PTPRD: variants seen among roughly 807,000 people sequenced by gnomAD.
PTPRD encodes the protein receptor-type tyrosine-protein phosphatase delta.
Under a neutral mutation model 214.5 loss-of-function variants are expected in PTPRD, and 34 were observed. That is an observed-to-expected ratio of 0.16 (90% CI 0.12 to 0.21). PTPRD has a LOEUF of 0.21. Ranked by LOEUF, PTPRD falls within the 10% of genes least tolerant of loss-of-function variation. The pLI, the probability that PTPRD is intolerant of heterozygous loss-of-function variation, is 1.00. For synonymous variants in PTPRD, 1,128 were observed against 845.7 expected, an observed-to-expected ratio of 1.33 and a Z score of -5.79; for missense variants, 2,545 against 2,398.7, an observed-to-expected ratio of 1.06 and a Z score of -1.27.
At chr9:8,437,111 A>G in intron 34 of PTPRD, 1 of 905,632 alleles carries the variant, frequency 1.1e-6, no homozygotes, top group South Asian at 1.7e-5. Context: ...AAATAAGAAA[A>G]CAGACACTGA....
chr9:9,128,564 G>A (rs2099837699), intron 10 of PTPRD, among the ~76,000 whole-genome samples: 2 of 152,320 alleles, frequency 1.3e-5, no homozygotes, highest in East Asian at 3.9e-4. Context: ...AGCACAAACA[G>A]ATTTGGGGGC....
At chr9:8,456,400 A>C (rs1030238091) in intron 33 of PTPRD, among the ~76,000 whole-genome samples, 1 of 152,114 alleles carries the variant, frequency 6.6e-6, no homozygotes, top group African/African-American at 2.4e-5. Flanking sequence ...GTAGCATCCT[A>C]GCTTACTTCC....
Position 8,460,536 on chromosome 9 carries a change from C to T in PTPRD, c.3750G>A (p.Val1250=), listed in dbSNP as rs2134157117. 6.2e-7 allele frequency: 1 copy of T among 1,613,396 alleles called. No individual in the cohort carries two copies. Among genetic ancestry groups the T allele is most frequent in the South Asian group, 1.1e-5 (1 of 91,056 alleles). The part of the protein sequence containing the change: ...MYATSPYSDP[V]VSMDLDPQPI... ...GCTGCGGATCCAGATCCATTGACAC[C>T]ACGGGGTCGGAGTAAGGGCTGGTTG... The change falls in exon 33 of 46, where the codon GTG becomes GTA. Residue 1250 remains valine (V), a synonymous_variant. Transcript: ENST00000381196.
chr9:10,187,381 T>C (rs1370156729), intron 3 of PTPRD, among the ~76,000 whole-genome samples: 1 of 152,196 alleles, frequency 6.6e-6, no homozygotes, highest in African/African-American at 2.4e-5. Flanking sequence ...TCCTGACTTT[T>C]ATTATATTAG....
At chr9:10,268,357 G>C (rs1266487341) in intron 3 of PTPRD, among the ~76,000 whole-genome samples, 1 of 150,952 alleles carries the variant, frequency 6.6e-6, no homozygotes, top group Non-Finnish European at 1.5e-5. Context: ...CAGAGGGGCA[G>C]CATTTTTTAT....
At chr9:8,576,631 C>CA (rs71317371) in intron 14 of PTPRD, among the ~76,000 whole-genome samples, 8,954 of 115,946 alleles carry the variant, frequency 0.077, 425 homozygotes, top group Non-Finnish European at 0.1. Flanking sequence ...GCTAATGCAG[C>CA]AAAAAAAAAA....
intron 11 of PTPRD, among the ~76,000 whole-genome samples, chr9:8,982,182 A>G (rs575046406): frequency 6.6e-6 from 1 of 152,144 alleles, no homozygotes; most frequent in South Asian, 2.1e-4. Flanking sequence ...CAAATTACAC[A>G]TGTGATCTGA....
chr9:10,505,875 T>G, intron 2 of PTPRD, among the ~76,000 whole-genome samples: 1 of 20,564 alleles, frequency 4.9e-5, no homozygotes, highest in Non-Finnish European at 1.0e-4. Context: ...TAAGCAATAT[T>G]TTAATTAGAT....
chr9:8,574,948 TATAA>T (rs1331907516), intron 14 of PTPRD, among the ~76,000 whole-genome samples: 4 of 152,082 alleles, frequency 2.6e-5, no homozygotes, highest in Non-Finnish European at 5.9e-5. Context: ...ATCAATATCA[TATAA>T]ATAAAGACAA....
chr9:9,669,238 G>C (rs1179556541), intron 7 of PTPRD, among the ~76,000 whole-genome samples: 1 of 152,098 alleles, frequency 6.6e-6, no homozygotes, highest in Non-Finnish European at 1.5e-5. Context: ...CAAAGACTTG[G>C]AACAAAGGGT....
intron 11 of PTPRD, among the ~76,000 whole-genome samples, chr9:8,783,467 T>C (rs1203391414): frequency 1.3e-5 from 2 of 152,234 alleles, no homozygotes; most frequent in Non-Finnish European, 2.9e-5. Context: ...TTTCATTTTA[T>C]CCCCAAGTGA....
chr9:9,224,246 G>C (rs187749796), intron 9 of PTPRD, among the ~76,000 whole-genome samples: 6 of 152,070 alleles, frequency 3.9e-5, no homozygotes, highest in Admixed American at 3.3e-4. Flanking sequence ...TCCTGCTTTA[G>C]TGAAGTTTAT....
intron 4 of PTPRD, among the ~76,000 whole-genome samples, chr9:9,973,512 G>A (rs184385893): frequency 2.0e-5 from 3 of 151,930 alleles, no homozygotes; most frequent in Admixed American, 1.3e-4. Flanking sequence ...ATGACAAGTA[G>A]AGATTGACTT....
chr9:10,277,548 A>G (rs117606262), intron 3 of PTPRD, among the ~76,000 whole-genome samples: 1,781 of 151,586 alleles, frequency 0.012, 21 homozygotes, highest in Non-Finnish European at 0.017. Context: ...ATAAGCATAT[A>G]AACTGATTAG....
At chr9:9,499,440 T>C (rs564982821) in intron 8 of PTPRD, among the ~76,000 whole-genome samples, 76 of 152,262 alleles carry the variant, frequency 5.0e-4, no homozygotes, top group African/African-American at 1.8e-3. Context: ...CTATAGTTCA[T>C]CAAATGGAAA....
intron 2 of PTPRD, among the ~76,000 whole-genome samples, chr9:10,346,833 G>A (rs1457532994): frequency 6.6e-6 from 1 of 152,170 alleles, no homozygotes; most frequent in Non-Finnish European, 1.5e-5. Context: ...CAGAACATGT[G>A]ATTTGTCATA....
At chr9:10,497,221 G>C (rs770398324) in intron 2 of PTPRD, among the ~76,000 whole-genome samples, 1 of 151,948 alleles carries the variant, frequency 6.6e-6, no homozygotes, top group Non-Finnish European at 1.5e-5. Context: ...TGAGTGATGA[G>C]ATCCATACCC....
At chr9:10,595,097 C>A (rs192337741) in intron 2 of PTPRD, among the ~76,000 whole-genome samples, 58 of 151,902 alleles carry the variant, frequency 3.8e-4, no homozygotes, top group Non-Finnish European at 5.5e-4. Flanking sequence ...TATATTGTTT[C>A]GTTCTTGTCT....
chr9:10,031,665 CAT>C (rs1324080683), intron 4 of PTPRD, among the ~76,000 whole-genome samples: 4 of 116,610 alleles, frequency 3.4e-5, no homozygotes, highest in South Asian at 2.7e-4. Context: ...CACACACACA[CAT>C]ACACACACAC....
Sources: allele counts gnomAD v4.1 joint callset (sites outside exome capture counted in the v4.1 genomes callset), GRCh38; gene constraint gnomAD v4.1.1; transcripts MANE v1.5; gene names NCBI Gene and HGNC (gene_info 2026-07-23, HGNC 2026-07-21).